The following TMEFF1 variants were observed in gnomAD, a reference collection of about 807,000 sequenced individuals.
TMEFF1 encodes the protein transmembrane protein with EGF like and two follistatin like domains 1, also known as tomoregulin-1.
TMEFF1 carries 20 observed loss-of-function variants against 47.5 expected under a neutral mutation model. The ratio of observed to expected loss-of-function variants is 0.42; its 90% CI spans 0.30 to 0.61. TMEFF1 has a LOEUF of 0.61. TMEFF1 is among the 20% of genes least tolerant of loss of function. The probability of loss-of-function intolerance (pLI) is 0.19; values close to 1 mark genes in which losing one functional copy is unlikely to be tolerated. For missense variants in TMEFF1, 411 were observed against 471.1 expected (o/e 0.87, Z 1.18); for synonymous variants, 162 against 166.3 (o/e 0.97, Z 0.20).
At chr9:100,517,263 G>T (rs889556615) in intron 5 of TMEFF1, among the ~76,000 whole-genome samples, 3 of 152,040 alleles carry the variant, frequency 2.0e-5, no homozygotes, top group African/African-American at 7.3e-5. Context: ...TCATTTTCCT[G>T]TGGTGCTGGC....
chr9:100,538,851 A>T (rs1838568268), intron 5 of TMEFF1, among the ~76,000 whole-genome samples: 1 of 152,038 alleles, frequency 6.6e-6, no homozygotes, highest in Non-Finnish European at 1.5e-5. Flanking sequence ...TTTTGTTTTC[A>T]TGAATAATAC....
chr9:100,537,512 C>G (rs1178057767), intron 5 of TMEFF1, among the ~76,000 whole-genome samples: 1 of 152,136 alleles, frequency 6.6e-6, no homozygotes, highest in Non-Finnish European at 1.5e-5. Flanking sequence ...AACCACTCAC[C>G]CATGAGATGT....
rs1837167682 is a variant in TMEFF1 at position 100,473,830 on chromosome 9, C to A, written c.196+90C>A. 9.6e-6 allele frequency: 13 copies of A among 1,359,504 alleles called. No individual in the cohort carries two copies. The highest frequency in any genetic ancestry group is 3.4e-5 in the South Asian group (2 of 58,500). The allele number at this position is 1,359,504 out of a possible 1,614,324, so 84.2% of individuals were successfully genotyped here. On this transcript the variant is annotated intron_variant, in intron 1 of 9. Coordinates refer to ENST00000374879, the MANE Select transcript of TMEFF1 (RefSeq NM_003692.5). This position sits in a 1 kb window ranked among gnomAD's most constrained non-coding sequence, Gnocchi z 5.4. ...CTGCGGTCGGCCGGGCTGGGAAAGA[C>A]CCCGTCGTGGGGGTCCCAGGGGTGG...
chr9:100,543,635 A>C (rs1161133601), intron 5 of TMEFF1, among the ~76,000 whole-genome samples: 1 of 151,762 alleles, frequency 6.6e-6, no homozygotes, highest in Non-Finnish European at 1.5e-5. Context: ...CCTGGGCCAC[A>C]TTGGAAGAAG....
intron 5 of TMEFF1, among the ~76,000 whole-genome samples, chr9:100,530,687 A>G (rs1341852562): frequency 6.6e-6 from 1 of 152,188 alleles, no homozygotes. Flanking sequence ...TTCCTTCTGA[A>G]ACTATTCCAA....
At chr9:100,558,445 C>G (rs1297911211) in intron 7 of TMEFF1, among the ~76,000 whole-genome samples, 1 of 151,816 alleles carries the variant, frequency 6.6e-6, no homozygotes, top group Non-Finnish European at 1.5e-5. Context: ...TAGTTTGAAA[C>G]TGTAGCAAGA....
At chr9:100,509,434 T>C (rs1353484480) in intron 3 of TMEFF1, among the ~76,000 whole-genome samples, 1 of 152,102 alleles carries the variant, frequency 6.6e-6, no homozygotes, top group Non-Finnish European at 1.5e-5. Context: ...AGAATGAGCT[T>C]TGAGGTGGGG....
At chr9:100,535,487 G>A (rs564583668) in intron 5 of TMEFF1, among the ~76,000 whole-genome samples, 11 of 152,190 alleles carry the variant, frequency 7.2e-5, no homozygotes, top group African/African-American at 2.4e-4. Flanking sequence ...AAAATCTAAC[G>A]GGGCTGAATG....
intron 5 of TMEFF1, among the ~76,000 whole-genome samples, chr9:100,531,309 A>G (rs1442925009): frequency 6.6e-6 from 1 of 152,232 alleles, no homozygotes; most frequent in Non-Finnish European, 1.5e-5. Context: ...CCCTGTTTGC[A>G]GACGACATGA....
intron 1 of TMEFF1, among the ~76,000 whole-genome samples, chr9:100,483,262 C>T (rs558630794): frequency 8.7e-4 from 133 of 152,144 alleles, no homozygotes; most frequent in African/African-American, 3.0e-3. Flanking sequence ...TTTGGGAGCC[C>T]GAGGCGGGTG....
At chr9:100,544,047 T>C (rs1305236468) in intron 5 of TMEFF1, among the ~76,000 whole-genome samples, 2 of 151,988 alleles carry the variant, frequency 1.3e-5, no homozygotes, top group Non-Finnish European at 1.5e-5. Flanking sequence ...AAATAGTCCC[T>C]TTGGAATATG....
chr9:100,480,245 A>G (rs140986688), intron 1 of TMEFF1, among the ~76,000 whole-genome samples: 44 of 152,288 alleles, frequency 2.9e-4, no homozygotes, highest in African/African-American at 1.0e-3. Context: ...TTAGTAAATC[A>G]TACTAATCAG....
chr9:100,487,914 A>C (rs1393967672), intron 1 of TMEFF1, among the ~76,000 whole-genome samples: 1 of 152,134 alleles, frequency 6.6e-6, no homozygotes, highest in African/African-American at 2.4e-5. Flanking sequence ...GAAGTCTTTA[A>C]AAAATTATCT....
intron 5 of TMEFF1, among the ~76,000 whole-genome samples, chr9:100,522,891 C>T (rs1231377517): frequency 2.6e-5 from 4 of 152,138 alleles, no homozygotes; most frequent in Admixed American, 2.0e-4. Context: ...CCCGCCACCA[C>T]ACCCAGCTAA....
At chr9:100,495,269 A>G (rs1837630875) in intron 1 of TMEFF1, among the ~76,000 whole-genome samples, 1 of 152,148 alleles carries the variant, frequency 6.6e-6, no homozygotes, top group African/African-American at 2.4e-5. Flanking sequence ...TATTACTCAT[A>G]TGTTGTGGGC....
chr9:100,540,138 T>C (rs1007651745), intron 5 of TMEFF1, among the ~76,000 whole-genome samples: 1 of 152,018 alleles, frequency 6.6e-6, no homozygotes, highest in Admixed American at 6.5e-5. Flanking sequence ...AGAGCGCTGA[T>C]TGGCACATTT....
intron 2 of TMEFF1, among the ~76,000 whole-genome samples, chr9:100,501,614 C>T (rs1453174788): frequency 2.0e-5 from 3 of 151,898 alleles, no homozygotes; most frequent in Non-Finnish European, 4.4e-5. Flanking sequence ...TCAAGAGAAC[C>T]TGCTGCTTTG....
intron 9 of TMEFF1, among the ~76,000 whole-genome samples, chr9:100,575,970 A>G (rs1220454316): frequency 6.6e-6 from 1 of 152,116 alleles, no homozygotes; most frequent in Non-Finnish European, 1.5e-5. Context: ...GGTTTGCCCC[A>G]GGAGGGTGTG....
intron 8 of TMEFF1, among the ~76,000 whole-genome samples, chr9:100,570,638 C>T (rs1839221851): frequency 6.9e-6 from 1 of 144,830 alleles, no homozygotes; most frequent in Admixed American, 7.5e-5. Flanking sequence ...ATCCACATAC[C>T]TGCCCACTGC....
Sources: allele counts gnomAD v4.1 joint callset (sites outside exome capture counted in the v4.1 genomes callset), GRCh38; gene constraint gnomAD v4.1.1; non-coding constraint Gnocchi (gnomAD v3.1); transcripts MANE v1.5; gene names NCBI Gene and HGNC (gene_info 2026-07-23, HGNC 2026-07-21).